ASTN2: variants seen among roughly 807,000 people sequenced by gnomAD.
ASTN2 encodes the protein astrotactin 2.
ASTN2 carries 54 observed loss-of-function variants against 139.8 expected under a neutral mutation model. The ratio of observed to expected loss-of-function variants is 0.39; its 90% CI spans 0.31 to 0.48. The LOEUF (loss-of-function observed/expected upper bound fraction) is 0.48, where lower values mean the gene tolerates loss of function less well. Among genes scored for constraint, ASTN2 ranks in the 20% least tolerant of loss-of-function variants. The probability of loss-of-function intolerance (pLI) is 0.95; values close to 1 mark genes in which losing one functional copy is unlikely to be tolerated. For synonymous variants in ASTN2, 756 were observed against 719.5 expected, an observed-to-expected ratio of 1.05 and a Z score of -0.81; for missense variants, 1,565 against 1,725.1, an observed-to-expected ratio of 0.91 and a Z score of 1.64.
In ASTN2 at chr9:116,425,807, C is replaced by T. The variant is rs760194940; in HGVS notation, c.*44G>A. The T allele has an allele frequency of 7.4e-6, 12 of 1,612,402 alleles. No individual in the cohort carries two copies. The highest frequency in any genetic ancestry group is 5.0e-5 in the Admixed American group (3 of 59,974). On this transcript the variant is annotated 3_prime_UTR_variant, in exon 23 of 23. Coordinates refer to ENST00000313400, the MANE Select transcript of ASTN2 (RefSeq NM_001365068.1). The stretch of plus-strand genomic sequence containing the variant: ...AGGATCCAGGAGAATACTGCTCCCC[C>T]TCCCATGGAGAGTCTCTGTGCTCAC...
chr9:116,920,548 C>T (rs1834576632), intron 10 of ASTN2, among the ~76,000 whole-genome samples: 1 of 152,144 alleles, frequency 6.6e-6, no homozygotes, highest in African/African-American at 2.4e-5. Context: ...CTTAATAGTA[C>T]AAAGAAAAAT....
intron 3 of ASTN2, among the ~76,000 whole-genome samples, chr9:117,156,390 C>G (rs1830434204): frequency 6.6e-6 from 1 of 152,040 alleles, no homozygotes; most frequent in Non-Finnish European, 1.5e-5. Flanking sequence ...CAGGGTTTCT[C>G]AACTTTGGCA....
chr9:117,402,215 T>C (rs922810171), intron 1 of ASTN2, among the ~76,000 whole-genome samples: 17 of 152,086 alleles, frequency 1.1e-4, no homozygotes, highest in African/African-American at 4.1e-4. Context: ...TACAGGCACC[T>C]GCCACCACAC....
intron 11 of ASTN2, among the ~76,000 whole-genome samples, chr9:116,833,558 T>C (rs1380260027): frequency 6.6e-6 from 1 of 152,128 alleles, no homozygotes; most frequent in African/African-American, 2.4e-5. Flanking sequence ...GACACAGATA[T>C]GTTAAAAGAA....
rs1402579918 is a variant in ASTN2 at position 117,066,487 on chromosome 9, A to G, written c.1277-26522T>C. Among the ~76,000 whole-genome samples the G allele has an allele frequency of 3.4e-5, 5 of 149,210 alleles. 1 individual carries two copies. The highest frequency in any genetic ancestry group is 7.4e-5 in the Non-Finnish European group (5 of 67,270). On this transcript the variant is annotated intron_variant, in intron 5 of 22. Transcript: ENST00000313400. ...AATGCTGCAATAAACATACGTGTGC[A>G]TGTGTCTTTATACTAGCATGACTTA...
chr9:117,064,645 C>T (rs1281700887), intron 5 of ASTN2, among the ~76,000 whole-genome samples: 1 of 152,058 alleles, frequency 6.6e-6, no homozygotes, highest in African/African-American at 2.4e-5. Flanking sequence ...ACATTGGAGA[C>T]TCCAAAAAGT....
intron 16 of ASTN2, among the ~76,000 whole-genome samples, chr9:116,704,080 G>A (rs58766137): frequency 0.012 from 1,890 of 152,234 alleles, 35 homozygotes; most frequent in African/African-American, 0.042. Context: ...GAAGATCACC[G>A]GCCTTGAAGT....
intron 5 of ASTN2, among the ~76,000 whole-genome samples, chr9:117,055,879 GCAATGCCACTTC>G (rs1265591821): frequency 1.1e-4 from 17 of 152,332 alleles, no homozygotes; most frequent in Admixed American, 9.8e-4. Flanking sequence ...TAAATGTTAT[GCAATGCCACTTC>G]CAAGGTTAGG....
chr9:117,344,080 A>C (rs1829141334), intron 1 of ASTN2, among the ~76,000 whole-genome samples: 1 of 152,076 alleles, frequency 6.6e-6, no homozygotes, highest in South Asian at 2.1e-4. Flanking sequence ...CCCCATCATT[A>C]GTTCCAGTAG....
chr9:116,526,607 G>C (rs1318198246), intron 19 of ASTN2, among the ~76,000 whole-genome samples: 1 of 126,018 alleles, frequency 7.9e-6, no homozygotes, highest in Non-Finnish European at 1.6e-5. Flanking sequence ...GGGCAAAAGA[G>C]AAAGAACTTG....
chr9:117,281,884 C>T (rs1834334111), intron 2 of ASTN2, among the ~76,000 whole-genome samples: 1 of 152,154 alleles, frequency 6.6e-6, no homozygotes, highest in South Asian at 2.1e-4. Flanking sequence ...GCTGTCTGGG[C>T]TTGATTGCCT....
At chr9:117,093,567 G>A (rs1354143464) in intron 5 of ASTN2, among the ~76,000 whole-genome samples, 1 of 152,052 alleles carries the variant, frequency 6.6e-6, no homozygotes, top group Admixed American at 6.5e-5. Flanking sequence ...CCTCTGTCCT[G>A]TGCCTTTTTC....
chr9:117,345,575 G>A (rs1028048686), intron 1 of ASTN2, among the ~76,000 whole-genome samples: 3 of 152,178 alleles, frequency 2.0e-5, no homozygotes, highest in Admixed American at 2.0e-4. Flanking sequence ...TTCAAACTCA[G>A]GCTGTCTGGC....
intron 6 of ASTN2, among the ~76,000 whole-genome samples, chr9:117,014,460 G>A (rs555762625): frequency 1.2e-4 from 18 of 152,178 alleles, no homozygotes; most frequent in Middle Eastern, 3.4e-3. Flanking sequence ...CTCCTACAAG[G>A]ATCTTCAAGA....
At chr9:117,136,812 G>A (rs901785277) in intron 4 of ASTN2, among the ~76,000 whole-genome samples, 9 of 152,146 alleles carry the variant, frequency 5.9e-5, no homozygotes, top group East Asian at 3.9e-4. Flanking sequence ...AGGGTTGAAC[G>A]TGGGACAGGC....
chr9:116,789,073 G>A (rs901498231), intron 13 of ASTN2, among the ~76,000 whole-genome samples: 2 of 152,030 alleles, frequency 1.3e-5, no homozygotes, highest in South Asian at 2.1e-4. Flanking sequence ...CCAGTGGCTG[G>A]GTCCTCACTA....
intron 6 of ASTN2, among the ~76,000 whole-genome samples, chr9:117,019,904 A>G (rs1837824264): frequency 6.6e-6 from 1 of 152,122 alleles, no homozygotes; most frequent in Admixed American, 6.6e-5. Context: ...GCACATTGAG[A>G]TGTCCATGGT....
intron 13 of ASTN2, among the ~76,000 whole-genome samples, chr9:116,752,314 A>C (rs1177652280): frequency 1.3e-5 from 2 of 152,198 alleles, no homozygotes; most frequent in Non-Finnish European, 1.5e-5. Flanking sequence ...AAAAGAAGGG[A>C]TGAAGAAAAG....
intron 19 of ASTN2, among the ~76,000 whole-genome samples, chr9:116,523,408 G>A (rs1031812190): frequency 6.6e-6 from 1 of 152,142 alleles, no homozygotes; most frequent in Non-Finnish European, 1.5e-5. Context: ...ATCCTCCTGA[G>A]TAAACCAGGA....
Sources: allele counts gnomAD v4.1 joint callset (sites outside exome capture counted in the v4.1 genomes callset), GRCh38; gene constraint gnomAD v4.1.1; transcripts MANE v1.5; gene names NCBI Gene and HGNC (gene_info 2026-07-23, HGNC 2026-07-21).